The following CCDC82 variants were observed in gnomAD, a reference collection of about 807,000 sequenced individuals.
CCDC82 encodes the protein coiled-coil domain-containing protein 82.
Under a neutral mutation model 60.6 loss-of-function variants are expected in CCDC82, and 47 were observed. That is an observed-to-expected ratio of 0.77 (90% CI 0.61 to 0.99). The LOEUF is 0.99. Among genes scored for constraint, CCDC82 ranks in the 50% least tolerant of loss-of-function variants. CCDC82 has a pLI of 0.00. For synonymous variants in CCDC82, 212 were observed against 207.4 expected (o/e 1.02, Z -0.19); for missense variants, 588 against 633.0 (o/e 0.93, Z 0.76).
chr11:96,358,958 A>T, intron 9 of CCDC82, 35 bp downstream of exon 9: 1 of 1,524,284 alleles, frequency 6.6e-7, no homozygotes, highest in Non-Finnish European at 8.9e-7. Context: ...AGCCTTCAGA[A>T]TCTACATGAT....
At chr11:96,363,499 CA>C in intron 8 of CCDC82, 1 of 152,172 alleles carries the variant, frequency 6.6e-6, no homozygotes, top group Non-Finnish European at 1.5e-5. Flanking sequence ...CGCATACACA[CA>C]TTTTTATATA....
intron 5 of CCDC82, among the ~76,000 whole-genome samples, chr11:96,378,803 C>T (rs998406965): frequency 2.0e-5 from 3 of 151,874 alleles, no homozygotes; most frequent in Non-Finnish European, 4.4e-5. Flanking sequence ...TACTCCCTAC[C>T]ATATCTTTTC....
At chr11:96,369,851 A>AG (rs1158537251) in intron 7 of CCDC82, among the ~76,000 whole-genome samples, 1 of 152,180 alleles carries the variant, frequency 6.6e-6, no homozygotes, top group Non-Finnish European at 1.5e-5. Context: ...CAACAAAACG[A>AG]GGTATGCTTA....
chr11:96,375,501 A>C (rs532686245), intron 5 of CCDC82, among the ~76,000 whole-genome samples: 4 of 152,338 alleles, frequency 2.6e-5, no homozygotes, highest in African/African-American at 9.6e-5. Flanking sequence ...CTGGAATTTC[A>C]AATTGAAAAA....
chr11:96,356,646 A>G, intron 9 of CCDC82: 1 of 954,508 alleles, frequency 1.0e-6, no homozygotes, highest in Non-Finnish European at 1.2e-6. Flanking sequence ...ATGCATTATT[A>G]TGTTTATTAA....
At chr11:96,357,814 C>G (rs1224143030) in intron 9 of CCDC82, 2 of 985,156 alleles carry the variant, frequency 2.0e-6, no homozygotes, top group Non-Finnish European at 2.4e-6. Context: ...GTGCTCTCTC[C>G]TAAAGCAAAT....
chr11:96,370,464 A>G lies in CCDC82; in HGVS notation c.1209+549T>C, dbSNP rs74661273. 6.4e-3 allele frequency among the ~76,000 whole-genome samples: 977 copies of G among 152,322 alleles called. 3 individuals carry two copies. Among genetic ancestry groups the G allele is most frequent in the Non-Finnish European group, 0.011 (726 of 68,010 alleles). On this transcript the variant is annotated intron_variant, in intron 7 of 9. Transcript: ENST00000646818. ...TGGTAGAATTAAGCAATCTTAAAGC[A>G]AAGAAAGATGCCAAACACTATCTAG...
chr11:96,356,954 G>C (rs1864379050), intron 9 of CCDC82: 1 of 985,352 alleles, frequency 1.0e-6, no homozygotes, highest in African/African-American at 1.7e-5. Context: ...CAACAAAAGG[G>C]GTTGACATAA....
chr11:96,362,936 G>A lies in CCDC82; in HGVS notation c.1380+2044C>T, dbSNP rs572137226. ...AGTCTTCAAAATAACTTGAAGATGG[G>A]TGTGGGGTTAAGCACAATTTCTTTT... is the stretch of plus-strand genomic sequence containing the variant. On this transcript the variant is annotated intron_variant, in intron 8 of 9. Transcript: ENST00000646818. 3.9e-5 allele frequency among the ~76,000 whole-genome samples: 6 copies of A among 151,940 alleles called. No homozygotes were observed. The South Asian group carries it at 1.2e-3, about 32-fold the overall frequency.
At chr11:96,364,875 TA>T in intron 8 of CCDC82, 104 bp downstream of exon 8, 5 of 1,037,852 alleles carry the variant, frequency 4.8e-6, no homozygotes, top group Non-Finnish European at 7.0e-6. Flanking sequence ...GATTATATGC[TA>T]AAAATGTTTC....
chr11:96,384,794 G>A, intron 3 of CCDC82, 33 bp from the exon 4 acceptor site: 1 of 1,355,314 alleles, frequency 7.4e-7, no homozygotes, highest in Non-Finnish European at 1.0e-6. Flanking sequence ...ATATAACAGT[G>A]ATAACCAGAT....
chr11:96,364,032 A>C (rs1162454131), intron 8 of CCDC82: 1 of 152,116 alleles, frequency 6.6e-6, no homozygotes, highest in African/African-American at 2.4e-5. Context: ...GAGCTCTAGA[A>C]GTGATTTTCT....
At chr11:96,357,765 T>C (rs1864421769) in intron 9 of CCDC82, 3 of 985,406 alleles carry the variant, frequency 3.0e-6, no homozygotes, top group Non-Finnish European at 3.6e-6. Context: ...AAGAATTTAA[T>C]GTTGTCTAGG....
chr11:96,384,098 T>C lies in CCDC82; in HGVS notation c.650A>G (p.Glu217Gly). Residue 217 changes from glutamate to glycine, a missense_variant, in exon 4 of 10, where the codon GAA becomes GGA. Physicochemically the swap from Glu to Gly is moderately conservative, Grantham distance 98. Coordinates refer to ENST00000646818, the MANE Select transcript of CCDC82 (RefSeq NM_024725.4). ...TTGCTCCATTTCCACTGAAGAACCT[T>C]CATCTTCAACCACTCTACGGGGACG... ...VKRPRRVVED[E>G]GSSVEMEQKT... The C allele has an allele frequency of 6.2e-7, 1 of 1,613,748 alleles. No individual in the cohort carries two copies. The highest frequency in any genetic ancestry group is 8.5e-7 in the Non-Finnish European group (1 of 1,179,736).
In CCDC82 at chr11:96,384,512, G is replaced by C. The variant is rs376737499; in HGVS notation, c.236C>G (p.Pro79Arg). ...TAAGTTGAGCTCTCTTTCACTTCCTGGTGTTTTATTACAATCAGGTCCCTT... is the reference window on the plus strand; with the variant it reads ...TAAGTTGAGCTCTCTTTCACTTCCTCGTGTTTTATTACAATCAGGTCCCTT... Reference protein sequence around the residue: ...SNKGPDCNKTPGSERELNLSK... With the variant: ...SNKGPDCNKTRGSERELNLSK... The change falls in exon 4 of 10, where the codon CCA becomes CGA. Residue 79 changes from proline (P) to arginine (R), a missense_variant. Coordinates refer to ENST00000646818, the MANE Select transcript of CCDC82 (RefSeq NM_024725.4). 1.9e-6 allele frequency: 3 copies of C among 1,613,386 alleles called. No individual in the cohort carries two copies. The highest frequency in any genetic ancestry group is 2.5e-6 in the Non-Finnish European group (3 of 1,179,738).
chr11:96,353,042 AGG>A lies in CCDC82; in HGVS notation c.*602_*603del, dbSNP rs1207991888. 4 of 152,316 alleles carry A rather than the reference AGG, an allele frequency of 2.6e-5. No individual in the cohort carries two copies. The East Asian group carries it at 7.7e-4, about 29-fold the overall frequency. 9.4% of individuals were successfully genotyped at this position (152,316 alleles called of 1,614,324 possible). On this transcript the variant is annotated 3_prime_UTR_variant, in exon 10 of 10. Coordinates refer to ENST00000646818, the MANE Select transcript of CCDC82 (RefSeq NM_024725.4). ...TTACATAAAATTATTCCTGAATGTG[AGG>A]GTTGAAAGACTCTAGAGGCCTGAAA...
In CCDC82 at chr11:96,353,703, T is replaced by C; in HGVS notation, c.1578A>G (p.Gln526=). ...CCGCAAAATTGAGATATTCTTCAAG[T>C]TGACCATATTTCTGCATATACAATA... ...ENGWIKEKYG[Q]LEEYLNFADY... Residue 526 remains glutamine, a synonymous_variant, in exon 10 of 10, where the codon CAA becomes CAG. Transcript: ENST00000646818. The C allele has an allele frequency of 6.2e-7, 1 of 1,609,538 alleles. No individual in the cohort carries two copies. Among genetic ancestry groups the C allele is most frequent in the Admixed American group, 1.7e-5 (1 of 59,928 alleles).
chr11:96,357,246 A>G (rs1020234840), intron 9 of CCDC82: 2 of 985,276 alleles, frequency 2.0e-6, no homozygotes, highest in Non-Finnish European at 2.4e-6. Flanking sequence ...GTTTCTAGGA[A>G]ATCTTTTGAG....
chr11:96,378,447 A>G (rs998793913), intron 5 of CCDC82, among the ~76,000 whole-genome samples: 5 of 152,004 alleles, frequency 3.3e-5, no homozygotes, highest in Non-Finnish European at 7.4e-5. Context: ...AGAACAAGGG[A>G]AAGTTCTAAG....
Sources: gnomAD v4.1 joint callset for allele counts (sites outside exome capture counted in the v4.1 genomes callset) on GRCh38, gnomAD v4.1.1 for gene constraint, MANE v1.5 for transcripts, NCBI Gene and HGNC (gene_info 2026-07-23, HGNC 2026-07-21) for gene names.